The following SLC16A12 variants were observed in gnomAD, a reference collection of about 807,000 sequenced individuals.
SLC16A12 encodes the protein solute carrier family 16 member 12.
Under a neutral mutation model 42.4 loss-of-function variants are expected in SLC16A12, and 17 were observed. The ratio of observed to expected loss-of-function variants is 0.40; its 90% CI spans 0.27 to 0.60. SLC16A12 has a LOEUF of 0.60. Ranked by LOEUF, SLC16A12 falls within the 20% of genes least tolerant of loss-of-function variation. The pLI is 0.42. For missense variants in SLC16A12, 544 were observed against 623.0 expected, an observed-to-expected ratio of 0.87 and a Z score of 1.35; for synonymous variants, 224 against 229.4, an observed-to-expected ratio of 0.98 and a Z score of 0.21.
At chr10:89,465,479 A>C (rs1713760769) in intron 2 of SLC16A12, among the ~76,000 whole-genome samples, 1 of 152,210 alleles carries the variant, frequency 6.6e-6, no homozygotes, top group African/African-American at 2.4e-5. Flanking sequence ...ATTTCAGAGC[A>C]AAACTAACCC....
At chr10:89,546,422 CAT>C (rs1352949458) in intron 2 of SLC16A12, among the ~76,000 whole-genome samples, 1 of 152,124 alleles carries the variant, frequency 6.6e-6, no homozygotes, top group East Asian at 1.9e-4. Flanking sequence ...GGCCAATAAA[CAT>C]ATGAAAAAAG....
chr10:89,552,980 T>G (rs1489800515), intron 2 of SLC16A12, among the ~76,000 whole-genome samples: 1 of 152,214 alleles, frequency 6.6e-6, no homozygotes, highest in Non-Finnish European at 1.5e-5. Context: ...TTCTCTTGAA[T>G]GTACCTCCGT....
At chr10:89,535,113 A>G (rs1243442417) in intron 1 of SLC16A12, among the ~76,000 whole-genome samples, 2 of 152,104 alleles carry the variant, frequency 1.3e-5, no homozygotes, top group Non-Finnish European at 2.9e-5. Context: ...TACTATAAAC[A>G]TAAAATCCAG....
intron 2 of SLC16A12, among the ~76,000 whole-genome samples, chr10:89,474,514 G>A (rs963223018): frequency 6.6e-6 from 1 of 152,156 alleles, no homozygotes; most frequent in South Asian, 2.1e-4. Context: ...AAGAAACATG[G>A]AAAGCACTTT....
chr10:89,500,903 C>T (rs1343850661), intron 2 of SLC16A12, among the ~76,000 whole-genome samples: 2 of 152,164 alleles, frequency 1.3e-5, no homozygotes, highest in Admixed American at 6.5e-5. Context: ...CTAAAGACTC[C>T]TTCAGAAAGC....
At chr10:89,550,837 G>A (rs1208308923) in intron 2 of SLC16A12, among the ~76,000 whole-genome samples, 2 of 152,074 alleles carry the variant, frequency 1.3e-5, no homozygotes, top group African/African-American at 4.8e-5. Flanking sequence ...CTCCCCCAGG[G>A]GTCTAATGTT....
At position 89,432,996 on chromosome 10, in the gene SLC16A12, A is replaced by G; in HGVS notation, c.*68T>C. The G allele has an allele frequency of 6.3e-7, 1 of 1,585,398 alleles. No individual in the cohort carries two copies. The highest frequency in any genetic ancestry group is 8.5e-7 in the Non-Finnish European group (1 of 1,172,034). On this transcript the variant is annotated 3_prime_UTR_variant, in exon 8 of 8. Coordinates refer to ENST00000371790, the MANE Select transcript of SLC16A12 (RefSeq NM_213606.4). ...TCCTTCTGCCAAAATAAAAAGTTTCAGAAACATGAAGAATCTGGTGGCCCC... is the reference window on the plus strand; with the variant it reads ...TCCTTCTGCCAAAATAAAAAGTTTCGGAAACATGAAGAATCTGGTGGCCCC...
chr10:89,539,666 T>G (rs143524760), upstream of SLC16A12, among the ~76,000 whole-genome samples: 12 of 152,350 alleles, frequency 7.9e-5, no homozygotes, highest in East Asian at 2.3e-3. Flanking sequence ...GGTTGGGGGT[T>G]GAGGATGAAA....
At chr10:89,503,181 T>A (rs1341787989) in intron 2 of SLC16A12, among the ~76,000 whole-genome samples, 2 of 152,248 alleles carry the variant, frequency 1.3e-5, no homozygotes, top group African/African-American at 2.4e-5. Context: ...ATTCCTCACA[T>A]AATTGACTCC....
At chr10:89,547,516 T>C (rs1453410040) in intron 2 of SLC16A12, among the ~76,000 whole-genome samples, 4 of 152,210 alleles carry the variant, frequency 2.6e-5, no homozygotes, top group Admixed American at 6.5e-5. Flanking sequence ...TTTTAAGACA[T>C]GGTTCCTGCC....
Position 89,441,247 on chromosome 10 carries a change from T to A in SLC16A12, c.309A>T (p.Pro103=). ...AATGGTTACTGACAACACTCCCAAG[T>A]GGAGCTTCAAAAACAATAAGAAATA... is the stretch of plus-strand genomic sequence containing the variant. ...IVDCVTMLCA[P]LGSVVSNHLS... is the part of the protein sequence containing the mutation. The change falls in exon 5 of 8, where the codon CCA becomes CCT. Residue 103 remains proline (P), a synonymous_variant. Coordinates refer to ENST00000371790, the MANE Select transcript of SLC16A12 (RefSeq NM_213606.4). The A allele has an allele frequency of 6.2e-7, 1 of 1,614,002 alleles. No individual in the cohort carries two copies.
chr10:89,445,995 GA>G (rs1299548179), intron 3 of SLC16A12, among the ~76,000 whole-genome samples: 1 of 152,162 alleles, frequency 6.6e-6, no homozygotes, highest in East Asian at 1.9e-4. Flanking sequence ...TCAAGTGGAA[GA>G]AAGGGTATCA....
At chr10:89,433,431 C>A in intron 7 of SLC16A12, 105 bp from the exon 8 acceptor site, 1 of 1,179,952 alleles carries the variant, frequency 8.5e-7, no homozygotes, top group Non-Finnish European at 1.2e-6. Flanking sequence ...TCGATAGCAC[C>A]ACCAATTGTA....
At chr10:89,527,639 CA>C (rs144252240) in intron 2 of SLC16A12, among the ~76,000 whole-genome samples, 195 of 143,564 alleles carry the variant, frequency 1.4e-3, no homozygotes, top group Middle Eastern at 7.3e-3. Flanking sequence ...TCCATTTCTA[CA>C]AAAAAAAAAA....
At chr10:89,459,618 A>G (rs559821231) in intron 3 of SLC16A12, among the ~76,000 whole-genome samples, 4 of 152,000 alleles carry the variant, frequency 2.6e-5, no homozygotes, top group Non-Finnish European at 5.9e-5. Flanking sequence ...ACAAACTAGA[A>G]TTCTAGTCCA....
At chr10:89,525,437 G>T (rs535100086) in intron 2 of SLC16A12, among the ~76,000 whole-genome samples, 1 of 152,204 alleles carries the variant, frequency 6.6e-6, no homozygotes. Context: ...ATATATGGTT[G>T]TCTAAATTTG....
chr10:89,534,348 G>A (rs888641659), intron 2 of SLC16A12, among the ~76,000 whole-genome samples, 153 bp downstream of exon 2: 1 of 152,072 alleles, frequency 6.6e-6, no homozygotes, highest in South Asian at 2.1e-4. Context: ...GAGCGAATGT[G>A]TTTCTGAATT....
intron 2 of SLC16A12, among the ~76,000 whole-genome samples, chr10:89,508,388 C>G (rs956088166): frequency 6.6e-6 from 1 of 152,222 alleles, no homozygotes; most frequent in African/African-American, 2.4e-5. Flanking sequence ...TCTCAGACCA[C>G]AGTGCAATCA....
chr10:89,503,393 G>A (rs976450750), intron 2 of SLC16A12, among the ~76,000 whole-genome samples: 4 of 152,242 alleles, frequency 2.6e-5, no homozygotes, highest in Non-Finnish European at 2.9e-5. Context: ...CCAATCCCAC[G>A]TAGAATTATA....
Sources: allele counts gnomAD v4.1 joint callset (sites outside exome capture counted in the v4.1 genomes callset), GRCh38; gene constraint gnomAD v4.1.1; transcripts MANE v1.5; gene names NCBI Gene and HGNC (gene_info 2026-07-23, HGNC 2026-07-21).